SPAG17: variants seen among roughly 807,000 people sequenced by gnomAD.
SPAG17 encodes the protein sperm-associated antigen 17.
In SPAG17, 169 loss-of-function variants were observed where a neutral mutation model predicts 273.6. That is an observed-to-expected ratio of 0.62 (90% CI 0.55 to 0.70). The LOEUF is 0.70. Among genes scored for constraint, SPAG17 ranks in the 30% least tolerant of loss-of-function variants. The probability of loss-of-function intolerance (pLI) is 0.00; values close to 1 mark genes in which losing one functional copy is unlikely to be tolerated. For missense variants in SPAG17, 2,557 were observed against 2,627.8 expected (o/e 0.97, Z 0.59); for synonymous variants, 825 against 873.2 (o/e 0.94, Z 0.97).
chr1:118,163,526 T>G (rs1439249907), intron 1 of SPAG17, among the ~76,000 whole-genome samples: 1 of 151,814 alleles, frequency 6.6e-6, no homozygotes, highest in Admixed American at 6.6e-5. Flanking sequence ...AAGAAGACAT[T>G]CTGATTCCTT....
chr1:118,167,462 ATACT>A (rs773963099), intron 1 of SPAG17, among the ~76,000 whole-genome samples: 1 of 152,166 alleles, frequency 6.6e-6, no homozygotes, highest in Non-Finnish European at 1.5e-5. Flanking sequence ...CCTATTTATG[ATACT>A]TAAAGAAACA....
At position 118,091,689 on chromosome 1, in the gene SPAG17, T is replaced by A. The variant is rs1315296479; in HGVS notation, c.1276A>T (p.Met426Leu). Residue 426 changes from methionine to leucine, a missense_variant, in exon 10 of 49, where the codon ATG becomes TTG. Transcript: ENST00000336338. ...VTSVITTEVD[M>L]RYYNYLLNPI... ...TTCAGCAAATAATTGTAATATCTCATGTCTACTTCAGTTGTGATGACTGAA... is the reference window on the plus strand; with the variant it reads ...TTCAGCAAATAATTGTAATATCTCAAGTCTACTTCAGTTGTGATGACTGAA... 6.2e-7 allele frequency: 1 copy of A among 1,611,068 alleles called. No individual in the cohort carries two copies. The highest frequency in any genetic ancestry group is 1.7e-5 in the Admixed American group (1 of 59,878).
intron 3 of SPAG17, among the ~76,000 whole-genome samples, chr1:118,145,444 T>C (rs983549889): frequency 1.6e-4 from 24 of 152,164 alleles, no homozygotes; most frequent in African/African-American, 5.6e-4. Context: ...AATGGAACTA[T>C]TACATCTGGG....
intron 18 of SPAG17, among the ~76,000 whole-genome samples, chr1:118,065,251 A>C (rs1474339121): frequency 1.3e-5 from 2 of 152,110 alleles, no homozygotes; most frequent in African/African-American, 4.8e-5. Context: ...TAAATTATAA[A>C]CCTAATTAAA....
intron 43 of SPAG17, among the ~76,000 whole-genome samples, chr1:117,973,878 T>C (rs1286078483): frequency 6.6e-6 from 1 of 152,132 alleles, no homozygotes; most frequent in Admixed American, 6.6e-5. Context: ...TTTATGCCCA[T>C]GAGTGTCCAA....
chr1:117,959,196 C>T (rs771008473), intron 48 of SPAG17: 16 of 1,458,170 alleles, frequency 1.1e-5, no homozygotes, highest in African/African-American at 5.7e-5. Context: ...AGATAAGTAA[C>T]AACACCTGAA....
rs1435555559 is a variant in SPAG17, at chr1:117,964,010, A to C, written c.6533-72T>G. 3 of 1,496,258 alleles carry C rather than the reference A, an allele frequency of 2.0e-6. No homozygotes were observed. In the African/African-American group the frequency reaches 4.2e-5, roughly 21 times the overall value. 92.7% of individuals were successfully genotyped at this position (1,496,258 alleles called of 1,614,324 possible). ...CATATATAAACCTAAATAACATTTT[A>C]GAATCATAGAATTTCTTCTCTGGCA... On this transcript the variant is annotated intron_variant, in intron 47 of 48. Transcript: ENST00000336338.
intron 1 of SPAG17, among the ~76,000 whole-genome samples, chr1:118,177,003 A>T (rs755982514): frequency 1.3e-5 from 2 of 152,180 alleles, no homozygotes; most frequent in Non-Finnish European, 2.9e-5. Context: ...GAAACAAATG[A>T]AAATGGAAAA....
At chr1:117,958,766 G>GA (rs1325961425) in intron 48 of SPAG17, 1 of 545,834 alleles carries the variant, frequency 1.8e-6, no homozygotes, top group South Asian at 2.8e-5. Context: ...AACTTCTTTG[G>GA]CTTTTTTTTT....
chr1:118,103,295 C>T (rs754791398), intron 4 of SPAG17, among the ~76,000 whole-genome samples: 3 of 152,140 alleles, frequency 2.0e-5, no homozygotes, highest in African/African-American at 7.2e-5. Flanking sequence ...CTCCCTTAGT[C>T]GATCCCCAAT....
intron 13 of SPAG17, among the ~76,000 whole-genome samples, chr1:118,084,863 G>A (rs762205298): frequency 4.6e-5 from 7 of 152,098 alleles, no homozygotes; most frequent in South Asian, 4.1e-4. Context: ...AACCCTGCTA[G>A]GATCTCAGCT....
chr1:117,968,889 A>G (rs1042026008), intron 46 of SPAG17, among the ~76,000 whole-genome samples: 1 of 152,194 alleles, frequency 6.6e-6, no homozygotes, highest in Admixed American at 6.5e-5. Context: ...CTGTCATTCA[A>G]TCACACCTCT....
rs950491933 is a variant in SPAG17 at position 117,984,742 on chromosome 1, T to G, written c.5710A>C (p.Lys1904Gln). ...AAAAAGGGTGGTATTATGCGGTTCTTAATATCCATTAGGTAATTCTGTGTT... is the reference window on the plus strand; with the variant it reads ...AAAAAGGGTGGTATTATGCGGTTCTGAATATCCATTAGGTAATTCTGTGTT... ...ETTQNYLMDI[K>Q]NRIIPPFFKS... is the part of the protein sequence containing the mutation. Residue 1904 changes from lysine to glutamine, a missense_variant, in exon 41 of 49, where the codon AAG becomes CAG. By Grantham distance (53) the Lys-to-Gln change is moderately conservative. Coordinates refer to ENST00000336338, the MANE Select transcript of SPAG17 (RefSeq NM_206996.4). 1.9e-6 allele frequency: 3 copies of G among 1,611,680 alleles called. No homozygotes were observed. Among genetic ancestry groups the G allele is most frequent in the African/African-American group, 2.7e-5 (2 of 75,014 alleles).
intron 7 of SPAG17, among the ~76,000 whole-genome samples, chr1:118,097,407 C>T (rs182659814): frequency 1.3e-5 from 2 of 152,312 alleles, no homozygotes; most frequent in Non-Finnish European, 2.9e-5. Context: ...AGCCACGTGT[C>T]ACCATATAAA....
intron 27 of SPAG17, 33 bp downstream of exon 27, chr1:118,025,205 G>C (rs1435527369): frequency 6.2e-7 from 1 of 1,605,448 alleles, no homozygotes; most frequent in Non-Finnish European, 8.5e-7. Flanking sequence ...CTTTGGAACA[G>C]GGAAGAATAA....
chr1:118,088,989 C>G (rs985889697), intron 10 of SPAG17, among the ~76,000 whole-genome samples: 2 of 152,076 alleles, frequency 1.3e-5, no homozygotes, highest in Non-Finnish European at 2.9e-5. Flanking sequence ...GTGTGCTGAG[C>G]ATACAGCAAC....
In SPAG17 at chr1:118,081,629, C is replaced by G. The variant is rs748339025; in HGVS notation, c.1776G>C (p.Trp592Cys). 1.2e-6 allele frequency: 2 copies of G among 1,613,746 alleles called. No homozygotes were observed. Among genetic ancestry groups the G allele is most frequent in the Non-Finnish European group, 1.7e-6 (2 of 1,179,772 alleles). ...MHFCTSDVLS[W>C]NEVERAFKVF... ...CCTTGAAGGCTCGTTCTACTTCATT[C>G]CAGCTCAAGACATCTGTAAGAAAGC... The change falls in exon 14 of 49, where the codon TGG becomes TGC. Residue 592 changes from tryptophan (W) to cysteine (C), a missense_variant. Trp to Cys is a radical substitution (Grantham distance 215). Coordinates refer to ENST00000336338, the MANE Select transcript of SPAG17 (RefSeq NM_206996.4).
chr1:118,141,725 G>T (rs1023205640), intron 3 of SPAG17, among the ~76,000 whole-genome samples: 1 of 152,166 alleles, frequency 6.6e-6, no homozygotes, highest in Non-Finnish European at 1.5e-5. Flanking sequence ...TTCACGTGAA[G>T]ATTTAATAAG....
intron 3 of SPAG17, among the ~76,000 whole-genome samples, chr1:118,133,079 C>T (rs182038759): frequency 1.3e-5 from 2 of 152,230 alleles, no homozygotes; most frequent in Admixed American, 6.5e-5. Context: ...CCAGCATGAA[C>T]ATTTTCTAAC....
Sources: gnomAD v4.1 joint callset for allele counts (sites outside exome capture counted in the v4.1 genomes callset) on GRCh38, gnomAD v4.1.1 for gene constraint, MANE v1.5 for transcripts, NCBI Gene and HGNC (gene_info 2026-07-23, HGNC 2026-07-21) for gene names.